Variants in NDRG4 observed in about 807,000 individuals in gnomAD.
NDRG4 encodes the protein protein NDRG4.
A neutral mutation model predicts 55.8 loss-of-function variants in NDRG4; 38 were observed. The ratio of observed to expected loss-of-function variants is 0.68; its 90% CI spans 0.53 to 0.89. NDRG4 has a LOEUF of 0.89. Among genes scored for constraint, NDRG4 ranks in the 40% least tolerant of loss-of-function variants. The pLI is 0.00. For missense variants in NDRG4, 455 were observed against 468.6 expected (o/e 0.97, Z 0.27); for synonymous variants, 190 against 182.7 (o/e 1.04, Z -0.32).
At position 58,503,832 on chromosome 16, in the gene NDRG4, A is replaced by G. The variant is rs2037478648; in HGVS notation, c.56A>G (p.His19Arg). Residue 19 changes from histidine to arginine, a missense_variant, in exon 2 of 15, where the codon CAT (histidine) becomes CGT (arginine). Transcript: ENST00000570248. ...ATCGAGACACCCTACGGCCTTCTGC[A>G]TGTAGTGATCCGGGGCTCCCCCAAG... ...HDIETPYGLL[H>R]VVIRGSPKGN... 6 of 1,613,928 alleles carry G rather than the reference A, an allele frequency of 3.7e-6. No homozygotes were observed. The highest frequency in any genetic ancestry group is 5.1e-6 in the Non-Finnish European group (6 of 1,179,964).
intron 5 of NDRG4, chr16:58,506,172 G>GTGTGTGTGTGTGTGTGTGTGT: frequency 1.5e-6 from 1 of 685,498 alleles, no homozygotes; most frequent in Non-Finnish European, 2.7e-6. Flanking sequence ...GTGTGTGTAG[G>GTGTGTGTGTGTGTGTGTGTGT]GGTGGAAACA....
chr16:58,502,332 T>C (rs142518786), intron 1 of NDRG4, among the ~76,000 whole-genome samples: 2 of 152,046 alleles, frequency 1.3e-5, no homozygotes, highest in Admixed American at 6.5e-5. Flanking sequence ...TCAGCCCTGG[T>C]GTGGCCTCCT....
chr16:58,464,779 G>T lies in NDRG4; in HGVS notation c.-24+982G>T, dbSNP rs1396055111. 2 of 1,278,714 alleles carry T rather than the reference G, an allele frequency of 1.6e-6. No homozygotes were observed. Among genetic ancestry groups the T allele is most frequent in the Non-Finnish European group, 2.0e-6 (2 of 1,014,056 alleles). The allele number at this position is 1,278,714 out of a possible 1,614,324, so 79.2% of individuals were successfully genotyped here. A position where few individuals can be genotyped will look rare whatever the true frequency, so the allele number is the denominator to read the frequency against. ...GCTCAGGGCTCCTGCCCTCCAATCA[G>T]TGTCGCTTGTCCCCTAAGAAAGGAC... is the stretch of plus-strand genomic sequence containing the variant. On this transcript the variant is annotated intron_variant, in intron 1 of 15. Transcript: ENST00000258187. The surrounding 1 kb of genome is among the most constrained non-coding windows in gnomAD (Gnocchi z 4.8).
At chr16:58,503,258 A>C (rs1340096734) in intron 1 of NDRG4, among the ~76,000 whole-genome samples, 6 of 152,146 alleles carry the variant, frequency 3.9e-5, no homozygotes, top group African/African-American at 1.4e-4. Context: ...GCTCACACAG[A>C]AGGGCGTTCA....
rs1567352087 is a variant in NDRG4 at position 58,507,793 on chromosome 16, CCCCCTG to C, written c.621-10_621-5del. 58 of 1,612,574 alleles carry C rather than the reference CCCCCTG, an allele frequency of 3.6e-5. No homozygotes were observed. Among genetic ancestry groups the C allele is most frequent in the Non-Finnish European group, 4.8e-5 (57 of 1,179,452 alleles). On this transcript the variant is annotated splice_polypyrimidine_tract_variant and intron_variant, in intron 8 of 14. Coordinates refer to ENST00000570248, the MANE Select transcript of NDRG4 (RefSeq NM_001242835.2). ...GGTGCCCACCTCTGCCTCTGCCCCT[CCCCCTG>C]CCCCACAGCCGCAGAGACCTGGACA...
At chr16:58,510,793 CCTT>C (rs1956332293) in intron 14 of NDRG4, 110 bp downstream of exon 14, 2 of 1,015,490 alleles carry the variant, frequency 2.0e-6, no homozygotes, top group African/African-American at 1.6e-5. Context: ...TGGTTTGGAA[CCTT>C]CTTGTGTCCT....
intron 1 of NDRG4, among the ~76,000 whole-genome samples, chr16:58,478,057 C>T (rs956758896): frequency 5.9e-5 from 9 of 152,098 alleles, no homozygotes; most frequent in Non-Finnish European, 1.0e-4. Context: ...AAACCCAAAG[C>T]GAGGACATTC....
At chr16:58,485,531 C>T (rs2034990545) in intron 1 of NDRG4, among the ~76,000 whole-genome samples, 1 of 152,150 alleles carries the variant, frequency 6.6e-6, no homozygotes, top group Admixed American at 6.5e-5. Context: ...TTCAGGAAGG[C>T]AGGTGGCTAA....
Position 58,464,189 on chromosome 16 carries a change from T to C in NDRG4, c.-24+392T>C, listed in dbSNP as rs2031113470. The C allele has an allele frequency of 2.6e-6, 1 of 381,060 alleles. No homozygotes were observed. The highest frequency in any genetic ancestry group is 1.3e-4 in the South Asian group (1 of 7,576). 23.6% of individuals were successfully genotyped at this position (381,060 alleles called of 1,614,324 possible). ...CCTCCTGGAGTTCACCGGGACCAGG[T>C]GGCGGCGGGTGCCTTTTTGGGGGTG... On this transcript the variant is annotated intron_variant, in intron 1 of 15. Coordinates refer to the NDRG4 transcript ENST00000258187. The surrounding 1 kb of genome is among the most constrained non-coding windows in gnomAD (Gnocchi z 4.8).
intron 2 of NDRG4, among the ~76,000 whole-genome samples, chr16:58,489,651 C>G (rs1253976861): frequency 2.6e-5 from 4 of 152,014 alleles, no homozygotes; most frequent in Non-Finnish European, 2.9e-5. Flanking sequence ...GAGATCTGTT[C>G]TGTTTTGCAC....
intron 1 of NDRG4, among the ~76,000 whole-genome samples, chr16:58,503,251 C>T (rs2037392580): frequency 6.6e-6 from 1 of 152,100 alleles, no homozygotes; most frequent in Non-Finnish European, 1.5e-5. Context: ...ATGCTGGGCT[C>T]ACACAGAAGG....
chr16:58,502,040 C>G, intron 1 of NDRG4: 1 of 455,954 alleles, frequency 2.2e-6, no homozygotes, highest in South Asian at 1.5e-5. Flanking sequence ...GGAGCTCCCT[C>G]GGGTGGAACC....
intron 5 of NDRG4, 140 bp from the exon 6 acceptor site, chr16:58,506,247 G>A (rs766531081): frequency 7.7e-6 from 6 of 782,278 alleles, no homozygotes; most frequent in South Asian, 6.9e-5. Flanking sequence ...ACAGGCAGGG[G>A]CATCTGGACA....
At chr16:58,494,158 G>C (rs2036121587) in intron 2 of NDRG4, among the ~76,000 whole-genome samples, 1 of 152,204 alleles carries the variant, frequency 6.6e-6, no homozygotes, top group African/African-American at 2.4e-5. Context: ...AGCTAGATGT[G>C]GTCCCGCCCT....
rs144505192 is a variant in NDRG4 at position 58,485,353 on chromosome 16, C to T, written c.-23-2403C>T. Among the ~76,000 whole-genome samples the T allele has an allele frequency of 6.5e-3, 997 of 152,284 alleles. 14 individuals are homozygous for T. The highest frequency in any genetic ancestry group is 0.023 in the African/African-American group (951 of 41,550). ...TGAGGTCTCTCTCTGCCCCCTTCCC[C>T]GCCACCACCTCCGTCACAGGCCATC... On this transcript the variant is annotated intron_variant, in intron 1 of 15. Transcript: ENST00000258187.
rs2038923508 is a variant in NDRG4 at position 58,512,616 on chromosome 16, A to G, written c.*1040A>G. The G allele has an allele frequency of 6.2e-6, 1 of 160,390 alleles. No individual in the cohort carries two copies. Among genetic ancestry groups the G allele is most frequent in the African/African-American group, 2.4e-5 (1 of 41,444 alleles). 9.9% of individuals were successfully genotyped at this position (160,390 alleles called of 1,614,324 possible). A position where few individuals can be genotyped will look rare whatever the true frequency, so the allele number is the denominator to read the frequency against. On this transcript the variant is annotated 3_prime_UTR_variant, in exon 15 of 15. Transcript: ENST00000570248. ...TGGCCCAAGGCAGCGAGGCTTCTAC[A>G]GTCCCACACCCCATAGCCGCCTGGG...
chr16:58,467,890 CTG>C (rs1257056288), intron 1 of NDRG4, among the ~76,000 whole-genome samples: 1 of 152,216 alleles, frequency 6.6e-6, no homozygotes, highest in Non-Finnish European at 1.5e-5. Flanking sequence ...CACTCCATCA[CTG>C]TGCTGGGGGC....
chr16:58,498,134 C>T (rs1186496771), upstream of NDRG4, among the ~76,000 whole-genome samples: 6 of 151,932 alleles, frequency 3.9e-5, no homozygotes, highest in Non-Finnish European at 8.8e-5. Flanking sequence ...ACTCAGGGGT[C>T]AGAGGTTGGA....
chr16:58,476,040 A>G (rs1451931233), intron 1 of NDRG4, among the ~76,000 whole-genome samples: 1 of 151,912 alleles, frequency 6.6e-6, no homozygotes, highest in Non-Finnish European at 1.5e-5. Context: ...CAAGTGATCC[A>G]CCTGCCTCGG....
Sources: gnomAD v4.1 joint callset for allele counts (sites outside exome capture counted in the v4.1 genomes callset) on GRCh38, gnomAD v4.1.1 for gene constraint, Gnocchi (gnomAD v3.1) non-coding constraint, MANE v1.5 for transcripts, NCBI Gene and HGNC (gene_info 2026-07-23, HGNC 2026-07-21) for gene names.